ATP2C1: variants seen among roughly 807,000 people sequenced by gnomAD.
The protein encoded by ATP2C1 is ATPase secretory pathway Ca2+ transporting 1.
ATP2C1 carries 31 observed loss-of-function variants against 120.5 expected under a neutral mutation model. The ratio of observed to expected loss-of-function variants is 0.26; its 90% CI spans 0.19 to 0.35. The LOEUF (loss-of-function observed/expected upper bound fraction) is 0.35, where lower values mean the gene tolerates loss of function less well. ATP2C1 is among the 10% of genes least tolerant of loss of function. ATP2C1 has a pLI of 1.00. For missense variants in ATP2C1, 731 were observed against 1,107.5 expected (o/e 0.66, Z 4.83); for synonymous variants, 351 against 358.7 (o/e 0.98, Z 0.24).
Position 131,003,124 on chromosome 3 carries a change from A to C in ATP2C1, c.*1774A>C. ...TATACATTCATTTGCTTTGTACTAT[A>C]AAAATAAAAATGATTTCTTAAGTTA... On this transcript the variant is annotated 3_prime_UTR_variant, in exon 28 of 28. Coordinates refer to ENST00000510168, the MANE Select transcript of ATP2C1 (RefSeq NM_001378687.1). 3 of 982,648 alleles carry C rather than the reference A, an allele frequency of 3.1e-6. No individual in the cohort carries two copies. The highest frequency in any genetic ancestry group is 3.6e-6 in the Non-Finnish European group (3 of 827,008). 60.9% of individuals were successfully genotyped at this position (982,648 alleles called of 1,614,324 possible). A position where few individuals can be genotyped will look rare whatever the true frequency, so the allele number is the denominator to read the frequency against.
intron 26 of ATP2C1, among the ~76,000 whole-genome samples, chr3:131,008,543 A>G (rs1479621998): frequency 6.6e-6 from 1 of 152,116 alleles, no homozygotes; most frequent in Non-Finnish European, 1.5e-5. Context: ...CATTTACAAT[A>G]TTGTTTATTG....
At position 130,979,244 on chromosome 3, in the gene ATP2C1, C is replaced by G; in HGVS notation, c.1571-5C>G. On this transcript the variant is annotated splice_region_variant and splice_polypyrimidine_tract_variant and intron_variant, in intron 18 of 27. Coordinates refer to ENST00000510168, the MANE Select transcript of ATP2C1 (RefSeq NM_001378687.1). ...GTTGTTGTTTGGATTTTATTATTTC[C>G]TAAGTTCTTGCTTTGGCTTCTGGTC... 1 of 1,613,024 alleles carries G rather than the reference C, an allele frequency of 6.2e-7. No homozygotes were observed. Among genetic ancestry groups the G allele is most frequent in the Non-Finnish European group, 8.5e-7 (1 of 1,179,470 alleles).
chr3:130,859,591 G>A (rs1576525044), intron 1 of ATP2C1, among the ~76,000 whole-genome samples: 1 of 152,090 alleles, frequency 6.6e-6, no homozygotes, highest in East Asian at 1.9e-4. Flanking sequence ...TTTCTTCAAT[G>A]CAGTCAGTGC....
intron 8 of ATP2C1, among the ~76,000 whole-genome samples, chr3:130,953,537 G>A (rs2060459341): frequency 6.6e-6 from 1 of 152,158 alleles, no homozygotes; most frequent in South Asian, 2.1e-4. Context: ...GATGAAGATT[G>A]AGTCTTAGCT....
chr3:130,913,770 A>T (rs1432704679), intron 2 of ATP2C1, among the ~76,000 whole-genome samples: 1 of 152,108 alleles, frequency 6.6e-6, no homozygotes, highest in Non-Finnish European at 1.5e-5. Context: ...TTACTTTGAA[A>T]CTTTTGGATG....
chr3:130,926,118 C>G (rs913709536), intron 2 of ATP2C1, among the ~76,000 whole-genome samples: 19 of 152,112 alleles, frequency 1.2e-4, no homozygotes, highest in African/African-American at 4.6e-4. Context: ...CAGTGGTGAT[C>G]CAATTTCTTC....
intron 26 of ATP2C1, among the ~76,000 whole-genome samples, chr3:131,013,371 T>TTAA (rs2063413455): frequency 6.6e-6 from 1 of 152,214 alleles, no homozygotes. Flanking sequence ...TCACATCTCA[T>TTAA]TAATGGGTCA....
At position 130,886,450 on chromosome 3, in the gene ATP2C1, C is replaced by T. The variant is rs538162236; in HGVS notation, c.108+35522C>T. On this transcript the variant is annotated intron_variant, in intron 1 of 26. Coordinates refer to the ATP2C1 transcript ENST00000504381. ...CCATCCCCATCTTTTTCTCTACGTCCTCTTTAAAGCCAATAATTTAAGAGT... is the reference window on the plus strand; with the variant it reads ...CCATCCCCATCTTTTTCTCTACGTCTTCTTTAAAGCCAATAATTTAAGAGT... 2.6e-5 allele frequency among the ~76,000 whole-genome samples: 4 copies of T among 152,272 alleles called. No homozygotes were observed. In the East Asian group the frequency reaches 7.7e-4, roughly 29 times the overall value.
At chr3:130,970,406 A>ACACACACACACACC (rs765779646) in intron 17 of ATP2C1, among the ~76,000 whole-genome samples, 23 of 147,972 alleles carry the variant, frequency 1.6e-4, no homozygotes, top group African/African-American at 5.9e-4. Flanking sequence ...ACACACACAC[A>ACACACACACACACC]CCCTTAAACT....
At chr3:130,983,893 A>G (rs1257786230) in intron 20 of ATP2C1, among the ~76,000 whole-genome samples, 2 of 152,204 alleles carry the variant, frequency 1.3e-5, no homozygotes, top group African/African-American at 4.8e-5. Context: ...AAAGTGCCAC[A>G]GTTTATCACT....
intron 9 of ATP2C1, 52 bp from the exon 10 acceptor site, chr3:130,954,960 T>G (rs1032547466): frequency 2.4e-5 from 31 of 1,303,420 alleles, no homozygotes; most frequent in Admixed American, 1.3e-4. Context: ...TGTATGTGTT[T>G]TGGTTTACAT....
chr3:131,002,750 C>G lies in ATP2C1; in HGVS notation c.*1400C>G, dbSNP rs745425396. 210 of 985,222 alleles carry G rather than the reference C, an allele frequency of 2.1e-4. No homozygotes were observed. The highest frequency in any genetic ancestry group is 4.9e-4 in the Admixed American group (8 of 16,244). The allele number at this position is 985,222 out of a possible 1,614,324, so 61.0% of individuals were successfully genotyped here. A position where few individuals can be genotyped will look rare whatever the true frequency, so the allele number is the denominator to read the frequency against. ...GGATGAACCACTCCTTAGCTTTTAT[C>G]CAATATTAAACTGCAAGTGTTAGCA... is the stretch of plus-strand genomic sequence containing the variant. On this transcript the variant is annotated 3_prime_UTR_variant, in exon 28 of 28. Transcript: ENST00000510168.
At chr3:130,920,390 T>A (rs1192856467) in intron 2 of ATP2C1, among the ~76,000 whole-genome samples, 1 of 152,208 alleles carries the variant, frequency 6.6e-6, no homozygotes, top group Non-Finnish European at 1.5e-5. Context: ...TTATTTTTTT[T>A]AGGTTTTTAC....
At chr3:131,016,028 T>G (rs1424083449) in intron 26 of ATP2C1, 13 of 1,255,090 alleles carry the variant, frequency 1.0e-5, no homozygotes, top group Non-Finnish European at 1.4e-5. Flanking sequence ...TTAAGATTAG[T>G]TTTTTTTTGT....
chr3:130,908,080 T>C (rs1194381376), intron 2 of ATP2C1, among the ~76,000 whole-genome samples: 1 of 152,108 alleles, frequency 6.6e-6, no homozygotes, highest in Non-Finnish European at 1.5e-5. Flanking sequence ...AGTGTAGTGA[T>C]GACTAGTCTT....
intron 26 of ATP2C1, chr3:131,016,098 A>G (rs2063621113): frequency 6.3e-7 from 1 of 1,593,598 alleles, no homozygotes; most frequent in Non-Finnish European, 8.5e-7. Flanking sequence ...TACTGTATTT[A>G]CTTTTGTGTG....
rs2061500353 is a variant in ATP2C1 at position 130,975,546 on chromosome 3, C to T, written c.1570+58C>T. On this transcript the variant is annotated intron_variant, in intron 18 of 27. Coordinates refer to ENST00000510168, the MANE Select transcript of ATP2C1 (RefSeq NM_001378687.1). ...GAAAGGTAGAGCCTTCTTTTAATTG[C>T]AGATGAATTCATGCTTCACATTTGA... 1.3e-5 allele frequency: 20 copies of T among 1,545,734 alleles called. No individual in the cohort carries two copies. The South Asian group carries it at 2.3e-4, about 18-fold the overall frequency.
intron 26 of ATP2C1, chr3:131,014,108 C>T: frequency 6.2e-7 from 1 of 1,606,348 alleles, no homozygotes; most frequent in Non-Finnish European, 8.5e-7. Context: ...CAACCATTAA[C>T]AACCCAAACC....
At chr3:130,900,603 GAAAATTTAAACACGCAAAGTA>G (rs2057773991) in intron 2 of ATP2C1, among the ~76,000 whole-genome samples, 1 of 151,794 alleles carries the variant, frequency 6.6e-6, no homozygotes, top group Non-Finnish European at 1.5e-5. Flanking sequence ...GTGTTTTTTT[GAAAATTTAAACACGCAAAGTA>G]AAAATTAAAA....
Sources: allele counts gnomAD v4.1 joint callset (sites outside exome capture counted in the v4.1 genomes callset), GRCh38; gene constraint gnomAD v4.1.1; transcripts MANE v1.5; gene names NCBI Gene and HGNC (gene_info 2026-07-23, HGNC 2026-07-21).